Variants in CTNND2 observed in about 807,000 individuals in gnomAD.
CTNND2 encodes the protein catenin delta-2.
Under a neutral mutation model 144.4 loss-of-function variants are expected in CTNND2, and 22 were observed. The ratio of observed to expected loss-of-function variants is 0.15; its 90% CI spans 0.11 to 0.22. The LOEUF (loss-of-function observed/expected upper bound fraction) is 0.22, where lower values mean the gene tolerates loss of function less well. CTNND2 is among the 10% of genes least tolerant of loss of function. The pLI is 1.00. For synonymous variants in CTNND2, 751 were observed against 695.6 expected (o/e 1.08, Z -1.25); for missense variants, 1,353 against 1,618.8 (o/e 0.84, Z 2.82).
chr5:11,728,750 T>C (rs1007474876), intron 2 of CTNND2, among the ~76,000 whole-genome samples: 5 of 152,164 alleles, frequency 3.3e-5, no homozygotes, highest in Non-Finnish European at 7.3e-5. Flanking sequence ...GTAAAAATCA[T>C]CTGGGGTTTG....
At chr5:11,129,530 G>A (rs976394970) in intron 12 of CTNND2, among the ~76,000 whole-genome samples, 5 of 150,534 alleles carry the variant, frequency 3.3e-5, no homozygotes, top group Non-Finnish European at 7.4e-5. Flanking sequence ...AATATATTCT[G>A]CCCTATCTCT....
At chr5:11,102,923 CT>C (rs1234720702) in intron 14 of CTNND2, among the ~76,000 whole-genome samples, 17 of 138,502 alleles carry the variant, frequency 1.2e-4, no homozygotes, top group Non-Finnish European at 2.7e-4. Context: ...TTTGGATTTG[CT>C]TTAAATACTT....
At chr5:11,795,836 A>C (rs143492387) in intron 1 of CTNND2, among the ~76,000 whole-genome samples, 2,081 of 152,352 alleles carry the variant, frequency 0.014, 50 homozygotes, top group African/African-American at 0.048. Flanking sequence ...AGACTTAGTA[A>C]CTTAAAACAA....
intron 3 of CTNND2, among the ~76,000 whole-genome samples, chr5:11,520,783 T>C (rs560757190): frequency 6.6e-6 from 1 of 152,318 alleles, no homozygotes; most frequent in African/African-American, 2.4e-5. Context: ...TTAGCAGCTC[T>C]TGTGGAGAAG....
At chr5:11,690,599 G>A (rs761588564) in intron 2 of CTNND2, among the ~76,000 whole-genome samples, 10 of 151,790 alleles carry the variant, frequency 6.6e-5, no homozygotes, top group East Asian at 1.9e-4. Flanking sequence ...AGCCGGGCGC[G>A]GTGGCGGGCG....
At chr5:11,454,744 G>A (rs1380919720) in intron 3 of CTNND2, among the ~76,000 whole-genome samples, 1 of 151,850 alleles carries the variant, frequency 6.6e-6, no homozygotes, top group Non-Finnish European at 1.5e-5. Context: ...GGGACTACAG[G>A]AACGCACCAC....
chr5:11,439,661 T>G (rs1029267966), intron 3 of CTNND2, among the ~76,000 whole-genome samples: 1 of 152,142 alleles, frequency 6.6e-6, no homozygotes, highest in South Asian at 2.1e-4. Flanking sequence ...GCTTCCCCAG[T>G]AGCTAGGGGT....
At chr5:11,199,823 T>A (rs1737247608) in intron 10 of CTNND2, among the ~76,000 whole-genome samples, 162 bp from the exon 11 acceptor site, 1 of 152,254 alleles carries the variant, frequency 6.6e-6, no homozygotes, top group Non-Finnish European at 1.5e-5. Flanking sequence ...TGCTTTATAT[T>A]TGATTGCCGG....
chr5:11,804,860 C>G (rs1387160113), intron 1 of CTNND2, among the ~76,000 whole-genome samples: 1 of 152,068 alleles, frequency 6.6e-6, no homozygotes, highest in East Asian at 1.9e-4. Context: ...TTTAGGATAG[C>G]AAGGAATCTG....
At chr5:11,658,875 G>A (rs1177939232) in intron 2 of CTNND2, among the ~76,000 whole-genome samples, 1 of 151,996 alleles carries the variant, frequency 6.6e-6, no homozygotes, top group Non-Finnish European at 1.5e-5. Flanking sequence ...CACAAATCAC[G>A]TTTTTATTTA....
In CTNND2 at chr5:11,468,625, G is replaced by C. The variant is rs149175279; in HGVS notation, c.288-56556C>G. ...GCAGATACTCAAACCCTCCTGCGAG[G>C]CTTTAACGTTAATGACTACACTTAT... On this transcript the variant is annotated intron_variant, in intron 3 of 21. Transcript: ENST00000304623. 9.0e-3 allele frequency among the ~76,000 whole-genome samples: 1,370 copies of C among 152,210 alleles called. 22 individuals carry two copies. The highest frequency in any genetic ancestry group is 0.031 in the African/African-American group (1,303 of 41,528).
chr5:11,356,917 T>C (rs1423344247), intron 8 of CTNND2, among the ~76,000 whole-genome samples: 1 of 150,610 alleles, frequency 6.6e-6, no homozygotes, highest in African/African-American at 2.4e-5. Flanking sequence ...GACCAACAGG[T>C]ATATAAAAAA....
intron 16 of CTNND2, among the ~76,000 whole-genome samples, chr5:11,031,006 T>C (rs1743410760): frequency 6.6e-6 from 1 of 152,216 alleles, no homozygotes; most frequent in Non-Finnish European, 1.5e-5. Flanking sequence ...AGATGTTTTC[T>C]GAGCATGAGA....
chr5:11,430,631 T>C, intron 3 of CTNND2, among the ~76,000 whole-genome samples: 1 of 152,214 alleles, frequency 6.6e-6, no homozygotes, highest in East Asian at 1.9e-4. Flanking sequence ...TTAGTAAACG[T>C]ATGAAAACAT....
intron 9 of CTNND2, among the ~76,000 whole-genome samples, chr5:11,280,204 C>T (rs1375200799): frequency 2.0e-5 from 3 of 152,154 alleles, no homozygotes; most frequent in African/African-American, 7.2e-5. Context: ...AATCCAGCAA[C>T]ATTTTAACTC....
intron 1 of CTNND2, among the ~76,000 whole-genome samples, chr5:11,827,006 C>G (rs956928054): frequency 6.6e-6 from 1 of 151,850 alleles, no homozygotes; most frequent in Non-Finnish European, 1.5e-5. Context: ...ACATTCCACA[C>G]AAAAATAGCA....
intron 16 of CTNND2, among the ~76,000 whole-genome samples, chr5:11,046,084 T>A (rs766435882): frequency 6.6e-6 from 1 of 152,064 alleles, no homozygotes; most frequent in Non-Finnish European, 1.5e-5. Context: ...CTGGGTTGAA[T>A]TGTTACCCCC....
At chr5:11,371,312 T>G (rs1349025271) in intron 7 of CTNND2, among the ~76,000 whole-genome samples, 1 of 152,234 alleles carries the variant, frequency 6.6e-6, no homozygotes, top group African/African-American at 2.4e-5. Flanking sequence ...ATATAAACAC[T>G]TTGAGATATA....
chr5:11,095,496 C>A (rs1205883473), intron 15 of CTNND2, among the ~76,000 whole-genome samples: 1 of 152,156 alleles, frequency 6.6e-6, no homozygotes, highest in African/African-American at 2.4e-5. Context: ...AACACTGCAA[C>A]CCTCAAGGAA....
Sources: allele counts gnomAD v4.1 joint callset (sites outside exome capture counted in the v4.1 genomes callset), GRCh38; gene constraint gnomAD v4.1.1; transcripts MANE v1.5; gene names NCBI Gene and HGNC (gene_info 2026-07-23, HGNC 2026-07-21).